The following ZNF554 variants were observed in gnomAD, a reference collection of about 807,000 sequenced individuals.
ZNF554 encodes the protein zinc finger protein 554.
ZNF554 carries 15 observed loss-of-function variants against 21.2 expected under a neutral mutation model. The observed-to-expected ratio is 0.71, with a 90% CI of 0.47 to 1.09. The LOEUF is 1.09. Ranked by LOEUF, ZNF554 falls within the 50% of genes least tolerant of loss-of-function variation. ZNF554 has a pLI of 0.00. For synonymous variants in ZNF554, 258 were observed against 251.4 expected, an observed-to-expected ratio of 1.03 and a Z score of -0.25; for missense variants, 691 against 662.7, an observed-to-expected ratio of 1.04 and a Z score of -0.47.
chr19:2,834,196 G>A lies in ZNF554; in HGVS notation c.961G>A (p.Glu321Lys). ...TATCCACAACAAAATCAACACGGCA[G>A]AGAAACCCTTTGAGTGCCACCAGTG... Reference protein sequence around the residue: ...LTIHNKINTAEKPFECHQCGK... With the variant: ...LTIHNKINTAKKPFECHQCGK... Residue 321 changes from glutamate (E) to lysine (K), a missense_variant, in exon 5 of 5, where the codon GAG becomes AAG. Glu to Lys is a moderately conservative substitution (Grantham distance 56, BLOSUM62 1). Transcript: ENST00000317243. 1 of 1,614,032 alleles carries A rather than the reference G, an allele frequency of 6.2e-7. No homozygotes were observed. The highest frequency in any genetic ancestry group is 8.5e-7 in the Non-Finnish European group (1 of 1,180,024).
intron 3 of ZNF554, chr19:2,831,453 C>T (rs2087417003): frequency 6.6e-6 from 1 of 152,030 alleles, no homozygotes; most frequent in Non-Finnish European, 1.5e-5. Context: ...TGCCACCACA[C>T]CCGGCTAATT....
chr19:2,828,207 A>G (rs955985792), intron 3 of ZNF554, among the ~76,000 whole-genome samples: 1 of 152,182 alleles, frequency 6.6e-6, no homozygotes, highest in Non-Finnish European at 1.5e-5. Context: ...ATTGGTAAGT[A>G]AGACAGACAT....
chr19:2,831,344 G>A (rs374274343), intron 3 of ZNF554: 57 of 150,938 alleles, frequency 3.8e-4, no homozygotes, highest in African/African-American at 1.3e-3. Flanking sequence ...GCCCATGCTG[G>A]AATGCAGTGC....
chr19:2,829,541 G>A (rs1180443976), intron 3 of ZNF554, among the ~76,000 whole-genome samples: 2 of 151,892 alleles, frequency 1.3e-5, no homozygotes, highest in South Asian at 2.1e-4. Flanking sequence ...GGAGGCTGAG[G>A]CAGGAGAATC....
intron 1 of ZNF554, 97 bp from the exon 2 acceptor site, chr19:2,822,943 G>T (rs982248667): frequency 1.6e-6 from 2 of 1,284,284 alleles, no homozygotes; most frequent in Admixed American, 4.0e-5. Flanking sequence ...TGTATGGGGG[G>T]CCCCTTCAAG....
At chr19:2,822,035 C>G (rs1467848368) in intron 1 of ZNF554, among the ~76,000 whole-genome samples, 1 of 152,038 alleles carries the variant, frequency 6.6e-6, no homozygotes, top group Non-Finnish European at 1.5e-5. Flanking sequence ...TTCCTGAGAG[C>G]TTTTGTTTCT....
At chr19:2,824,566 C>T (rs996898629) in intron 2 of ZNF554, among the ~76,000 whole-genome samples, 2 of 152,220 alleles carry the variant, frequency 1.3e-5, no homozygotes, top group Non-Finnish European at 2.9e-5. Context: ...TGTGATAAAA[C>T]ACACATGAAA....
intron 2 of ZNF554, among the ~76,000 whole-genome samples, chr19:2,824,047 C>T (rs10417732): frequency 0.42 from 64,361 of 152,004 alleles, 13,879 homozygotes; most frequent in South Asian, 0.57. Context: ...CCAAACCCCA[C>T]TCTGAGAGAG....
Position 2,834,964 on chromosome 19 carries a change from C to A in ZNF554, c.*112C>A. On this transcript the variant is annotated 3_prime_UTR_variant, in exon 5 of 5. Transcript: ENST00000317243. ...AAAAGAAGTGGGTTTATGTCACCTT[C>A]TCACCTTCTTATAAGAAAGCTCTGA... 1 of 975,708 alleles carries A rather than the reference C, an allele frequency of 1.0e-6. No homozygotes were observed. Among genetic ancestry groups the A allele is most frequent in the Non-Finnish European group, 1.5e-6 (1 of 669,210 alleles). The allele number at this position is 975,708 out of a possible 1,614,324, so 60.4% of individuals were successfully genotyped here.
At chr19:2,827,563 A>G in intron 2 of ZNF554, 54 bp from the exon 3 acceptor site, 1 of 1,576,760 alleles carries the variant, frequency 6.3e-7, no homozygotes, top group Non-Finnish European at 8.6e-7. Context: ...CCCTCCTCCC[A>G]TGAACGTGGG....
Position 2,836,189 on chromosome 19 carries a change from GATTACGGGTGTGAGCCACCGTGCTGGT to G in ZNF554, c.*1364_*1390del, listed in dbSNP as rs1568338792. Among the ~76,000 whole-genome samples, 22 of 100,468 alleles carry G rather than the reference GATTACGGGTGTGAGCCACCGTGCTGGT, an allele frequency of 2.2e-4. No homozygotes were observed. Among genetic ancestry groups the G allele is most frequent in the Admixed American group, 4.7e-4 (3 of 6,340 alleles). 65.9% of individuals were successfully genotyped at this position (100,468 alleles called of 152,430 possible). A position where few individuals can be genotyped will look rare whatever the true frequency, so the allele number is the denominator to read the frequency against. On this transcript the variant is annotated 3_prime_UTR_variant, in exon 5 of 5. Coordinates refer to ENST00000317243, the MANE Select transcript of ZNF554 (RefSeq NM_001102651.2). ...TACGGGCGTGAGCTGCCCATGCTGG[GATTACGGGTGTGAGCCACCGTGCTGGT>G]ATTACGGGTGTGAGCCACCGTGCTG...
chr19:2,834,977 A>G lies in ZNF554; in HGVS notation c.*125A>G. 2 of 899,264 alleles carry G rather than the reference A, an allele frequency of 2.2e-6. No individual in the cohort carries two copies. The highest frequency in any genetic ancestry group is 2.6e-5 in the East Asian group (1 of 38,610). The allele number at this position is 899,264 out of a possible 1,614,324, so 55.7% of individuals were successfully genotyped here. On this transcript the variant is annotated 3_prime_UTR_variant, in exon 5 of 5. Transcript: ENST00000317243. The stretch of plus-strand genomic sequence containing the variant: ...TTATGTCACCTTCTCACCTTCTTAT[A>G]AGAAAGCTCTGAGAATGGGCATTTT...
intron 3 of ZNF554, 39 bp from the exon 4 acceptor site, chr19:2,832,264 T>C: frequency 2.0e-6 from 3 of 1,513,830 alleles, no homozygotes; most frequent in Non-Finnish European, 2.7e-6. Flanking sequence ...AAAATCATTA[T>C]CTTGTGCTAC....
chr19:2,820,455 A>G (rs779166516), intron 1 of ZNF554, among the ~76,000 whole-genome samples: 38 of 152,258 alleles, frequency 2.5e-4, no homozygotes, highest in Non-Finnish European at 5.1e-4. Context: ...AGAGGGTCTG[A>G]GCGAGGGGCG....
At chr19:2,833,524 C>G (rs1276599855) in intron 4 of ZNF554, among the ~76,000 whole-genome samples, 157 bp from the exon 5 acceptor site, 1 of 152,208 alleles carries the variant, frequency 6.6e-6, no homozygotes, top group African/African-American at 2.4e-5. Flanking sequence ...CCTTGCCACC[C>G]ATCTCTCTTT....
chr19:2,824,726 C>T (rs111508420), intron 2 of ZNF554, among the ~76,000 whole-genome samples: 8,339 of 152,182 alleles, frequency 0.055, 338 homozygotes, highest in African/African-American at 0.11. Flanking sequence ...TACATATGAA[C>T]TTTACCGTCT....
rs1212472235 is a variant in ZNF554 at position 2,834,171 on chromosome 19, T to A, written c.936T>A (p.Thr312=). The A allele has an allele frequency of 1.9e-6, 3 of 1,614,022 alleles. No individual in the cohort carries two copies. The highest frequency in any genetic ancestry group is 2.5e-6 in the Non-Finnish European group (3 of 1,180,034). The part of the protein sequence containing the change: ...GQSLNHGMAL[T]IHNKINTAEK... ...CATTGAACCACGGTATGGCCCTGAC[T>A]ATCCACAACAAAATCAACACGGCAG... is the stretch of plus-strand genomic sequence containing the variant. The change falls in exon 5 of 5, where the codon ACT becomes ACA. Residue 312 remains threonine, a synonymous_variant. Coordinates refer to ENST00000317243, the MANE Select transcript of ZNF554 (RefSeq NM_001102651.2).
At chr19:2,828,670 G>A (rs567265670) in intron 3 of ZNF554, among the ~76,000 whole-genome samples, 3 of 106,954 alleles carry the variant, frequency 2.8e-5, no homozygotes, top group East Asian at 3.4e-4. Flanking sequence ...GCAAGACTCC[G>A]TCTCAAGAAA....
Position 2,834,090 on chromosome 19 carries a change from C to T in ZNF554, c.855C>T (p.Asn285=), listed in dbSNP as rs770083646. ...AATGTGGAAATGCCATCCGCCAGAA[C>T]AGTCACTTTATTCAACACGGGGGGA... ...SNECGNAIRQ[N]SHFIQHGGKM... Residue 285 remains asparagine (N), a synonymous_variant, in exon 5 of 5, where the codon AAC becomes AAT. Coordinates refer to ENST00000317243, the MANE Select transcript of ZNF554 (RefSeq NM_001102651.2). The T allele has an allele frequency of 8.1e-6, 13 of 1,613,982 alleles. No individual in the cohort carries two copies. The Admixed American group carries it at 8.3e-5, about 10-fold the overall frequency.
Sources: allele counts gnomAD v4.1 joint callset (sites outside exome capture counted in the v4.1 genomes callset), GRCh38; gene constraint gnomAD v4.1.1; transcripts MANE v1.5; gene names NCBI Gene and HGNC (gene_info 2026-07-23, HGNC 2026-07-21).